SMIM28: variants seen among roughly 807,000 people sequenced by gnomAD.
SMIM28 encodes the protein small integral membrane protein 28.
intron 1 of SMIM28, 78 bp from the exon 2 acceptor site, chr6:138,382,414 AAAAGAAAG>A (rs1214774039): frequency 8.8e-6 from 3 of 341,388 alleles, no homozygotes; most frequent in Non-Finnish European, 1.0e-5. Flanking sequence ...AAAAAAAAAA[AAAAGAAAG>A]AAAGAAAGAA....
At chr6:138,380,183 A>G (rs1490161959) in intron 1 of SMIM28, among the ~76,000 whole-genome samples, 1 of 151,144 alleles carries the variant, frequency 6.6e-6, no homozygotes, top group Non-Finnish European at 1.5e-5. Flanking sequence ...TTTATAGAAG[A>G]GAAAGCCTAG....
At chr6:138,380,666 C>G (rs9495056) in intron 1 of SMIM28, among the ~76,000 whole-genome samples, 2 of 152,008 alleles carry the variant, frequency 1.3e-5, no homozygotes, top group East Asian at 3.9e-4. Flanking sequence ...ACTTGGGAGG[C>G]TGAGGCAGGA....
At chr6:138,382,184 G>T (rs1774319737) in intron 1 of SMIM28, among the ~76,000 whole-genome samples, 1 of 152,176 alleles carries the variant, frequency 6.6e-6, no homozygotes, top group East Asian at 1.9e-4. Flanking sequence ...ATCACTTGAG[G>T]TCAGGAGTTT....
rs773340675 is a variant in SMIM28, at chr6:138,382,601, C to G, written c.213C>G (p.Phe71Leu). ...ILLFLAFLLL[F>L]LYRRCKSPPP... Reference sequence around the variant, plus strand: ...TCTTCCTGGCATTTCTGCTGCTGTTCCTGTACCGCCGCTGCAAGTCCCCAC... The same window carrying G: ...TCTTCCTGGCATTTCTGCTGCTGTTGCTGTACCGCCGCTGCAAGTCCCCAC... Residue 71 changes from phenylalanine (F) to leucine (L), a missense_variant, in exon 2 of 2, where the codon TTC becomes TTG. Physicochemically the swap from Phe to Leu is conservative, Grantham distance 22 (BLOSUM62 0). Transcript: ENST00000573100. 43 of 399,008 alleles carry G rather than the reference C, an allele frequency of 1.1e-4. No homozygotes were observed. Among genetic ancestry groups the G allele is most frequent in the Non-Finnish European group, 1.5e-4 (34 of 226,606 alleles). The allele number at this position is 399,008 out of a possible 1,614,324, so 24.7% of individuals were successfully genotyped here. A position where few individuals can be genotyped will look rare whatever the true frequency, so the allele number is the denominator to read the frequency against.
chr6:138,379,219 C>G (rs1235415637), intron 1 of SMIM28, among the ~76,000 whole-genome samples: 1 of 152,152 alleles, frequency 6.6e-6, no homozygotes. Context: ...TGGAAAACTC[C>G]TTTGTCTCAA....
Position 138,383,151 on chromosome 6 carries a change from T to G in SMIM28, c.*304T>G. On this transcript the variant is annotated 3_prime_UTR_variant, in exon 2 of 2. Transcript: ENST00000573100. ...TCCTGAGAAAAAAAGGAAAGTTCTA[T>G]GTGAGTTGAAAAAAAAAAAAACACT... The G allele has an allele frequency of 5.0e-6, 1 of 201,952 alleles. No homozygotes were observed. The highest frequency in any genetic ancestry group is 9.7e-6 in the Non-Finnish European group (1 of 103,300). The allele number at this position is 201,952 out of a possible 1,614,324, so 12.5% of individuals were successfully genotyped here. A position where few individuals can be genotyped will look rare whatever the true frequency, so the allele number is the denominator to read the frequency against.
Position 138,382,747 on chromosome 6 carries a change from C to T in SMIM28, c.359C>T (p.Pro120Leu), listed in dbSNP as rs528510336. The T allele has an allele frequency of 3.3e-5, 13 of 398,652 alleles. No individual in the cohort carries two copies. The highest frequency in any genetic ancestry group is 1.6e-4 in the African/African-American group (8 of 48,736). The allele number at this position is 398,652 out of a possible 1,614,324, so 24.7% of individuals were successfully genotyped here. A position where few individuals can be genotyped will look rare whatever the true frequency, so the allele number is the denominator to read the frequency against. Residue 120 changes from proline to leucine, a missense_variant, in exon 2 of 2, where the codon CCG becomes CTG. Pro to Leu is a moderately conservative substitution (Grantham distance 98). Transcript: ENST00000573100. Reference protein sequence around the residue: ...SEDFPYSPLPPEATLPSQCLP... With the variant: ...SEDFPYSPLPLEATLPSQCLP... ...GACTTCCCCTACTCCCCACTGCCCC[C>T]GGAGGCCACTCTCCCCTCCCAGTGT...
intron 1 of SMIM28, among the ~76,000 whole-genome samples, chr6:138,380,926 G>A (rs1285454246): frequency 2.7e-5 from 4 of 150,616 alleles, no homozygotes; most frequent in Admixed American, 6.6e-5. Context: ...TTTTTGAGAC[G>A]GAGTCTCACT....
At chr6:138,380,711 G>A (rs1583091057) in intron 1 of SMIM28, among the ~76,000 whole-genome samples, 1 of 152,034 alleles carries the variant, frequency 6.6e-6, no homozygotes, top group East Asian at 1.9e-4. Context: ...AGCTTGCAGT[G>A]AGCCGAGATC....
At chr6:138,380,724 A>G (rs1034483763) in intron 1 of SMIM28, among the ~76,000 whole-genome samples, 1 of 150,966 alleles carries the variant, frequency 6.6e-6, no homozygotes, top group South Asian at 2.1e-4. Flanking sequence ...CCGAGATCGC[A>G]CCACTGCACT....
intron 1 of SMIM28, among the ~76,000 whole-genome samples, chr6:138,381,413 C>T (rs995109373): frequency 6.6e-6 from 1 of 152,056 alleles, no homozygotes; most frequent in African/African-American, 2.4e-5. Context: ...CAATTAGGAA[C>T]AGTATTTTTT....
chr6:138,382,003 G>A (rs568899211), intron 1 of SMIM28, among the ~76,000 whole-genome samples: 7 of 152,076 alleles, frequency 4.6e-5, no homozygotes, highest in Non-Finnish European at 8.8e-5. Context: ...ATTTCATATA[G>A]GCTTAAGCTC....
rs530725328 is a variant in SMIM28 at position 138,383,469 on chromosome 6, A to G, written c.*622A>G. Among the ~76,000 whole-genome samples, 7 of 152,348 alleles carry G rather than the reference A, an allele frequency of 4.6e-5. No homozygotes were observed. Among genetic ancestry groups the G allele is most frequent in the African/African-American group, 1.4e-4 (6 of 41,576 alleles). On this transcript the variant is annotated 3_prime_UTR_variant, in exon 2 of 2. Transcript: ENST00000573100. ...TCGCAAACATTTTAGTTAAAAAATA[A>G]TAATAAAGCTGTCCAAAGTTATCTT...
Position 138,383,203 on chromosome 6 carries a change from C to T in SMIM28, c.*356C>T, listed in dbSNP as rs1774337916. On this transcript the variant is annotated 3_prime_UTR_variant, in exon 2 of 2. Transcript: ENST00000573100. ...AATTACTAATGAGCACAGGAACAGG[C>T]TCTGAAGGGCAAGAAAAAAAACTCT... is the stretch of plus-strand genomic sequence containing the variant. The T allele has an allele frequency of 6.3e-6, 1 of 159,296 alleles. No individual in the cohort carries two copies. Among genetic ancestry groups the T allele is most frequent in the Non-Finnish European group, 1.4e-5 (1 of 73,298 alleles). 9.9% of individuals were successfully genotyped at this position (159,296 alleles called of 1,614,324 possible).
At chr6:138,382,159 G>A (rs1360771263) in intron 1 of SMIM28, among the ~76,000 whole-genome samples, 1 of 152,128 alleles carries the variant, frequency 6.6e-6, no homozygotes, top group Non-Finnish European at 1.5e-5. Flanking sequence ...CACTTTGGGA[G>A]GCCAAGGGAG....
intron 1 of SMIM28, among the ~76,000 whole-genome samples, chr6:138,382,068 A>G (rs9484151): frequency 0.16 from 24,321 of 152,210 alleles, 3,481 homozygotes; most frequent in African/African-American, 0.39. Flanking sequence ...TGGAAAAAAG[A>G]ACGAAAGATG....
intron 1 of SMIM28, among the ~76,000 whole-genome samples, chr6:138,380,453 T>C (rs1223099226): frequency 1.3e-5 from 2 of 152,194 alleles, no homozygotes. Flanking sequence ...CAAAAGATTA[T>C]ACAAACATCT....
At chr6:138,381,971 C>T (rs1262053759) in intron 1 of SMIM28, among the ~76,000 whole-genome samples, 1 of 152,222 alleles carries the variant, frequency 6.6e-6, no homozygotes, top group African/African-American at 2.4e-5. Flanking sequence ...TGAATTCACA[C>T]TTTATTGTGT....
At position 138,383,436 on chromosome 6, in the gene SMIM28, A is replaced by G. The variant is rs112072465; in HGVS notation, c.*589A>G. On this transcript the variant is annotated 3_prime_UTR_variant, in exon 2 of 2. Transcript: ENST00000573100. ...ATATTACAATATTAGCAATGAAAGTATAGATATTCGCAAACATTTTAGTTA... is the reference window on the plus strand; with the variant it reads ...ATATTACAATATTAGCAATGAAAGTGTAGATATTCGCAAACATTTTAGTTA... Among the ~76,000 whole-genome samples the G allele has an allele frequency of 6.3e-3, 962 of 152,358 alleles. 10 individuals carry two copies. The highest frequency in any genetic ancestry group is 0.02 in the African/African-American group (825 of 41,586).
Sources: gnomAD v4.1 joint callset for allele counts (sites outside exome capture counted in the v4.1 genomes callset) on GRCh38, gnomAD v4.1.1 for gene constraint, MANE v1.5 for transcripts, NCBI Gene and HGNC (gene_info 2026-07-23, HGNC 2026-07-21) for gene names.